TMEM181: variants seen among roughly 807,000 people sequenced by gnomAD.
The protein encoded by TMEM181 is G protein-coupled receptor 178.
A neutral mutation model predicts 71.9 loss-of-function variants in TMEM181; 39 were observed. The ratio of observed to expected loss-of-function variants is 0.54; its 90% CI spans 0.42 to 0.71. The LOEUF (loss-of-function observed/expected upper bound fraction) is 0.71, where lower values mean the gene tolerates loss of function less well. TMEM181 is among the 30% of genes least tolerant of loss of function. The probability of loss-of-function intolerance (pLI) is 0.00; values close to 1 mark genes in which losing one functional copy is unlikely to be tolerated. For synonymous variants in TMEM181, 245 were observed against 228.8 expected (o/e 1.07, Z -0.64); for missense variants, 595 against 583.0 (o/e 1.02, Z -0.21).
chr6:158,614,393 T>G (rs1785493324), intron 10 of TMEM181, among the ~76,000 whole-genome samples: 1 of 152,258 alleles, frequency 6.6e-6, no homozygotes, highest in Admixed American at 6.5e-5. Flanking sequence ...AAATCCTCTT[T>G]AAGAGAGAAA....
intron 10 of TMEM181, among the ~76,000 whole-genome samples, chr6:158,613,523 G>A (rs1227192948): frequency 9.8e-6 from 1 of 102,180 alleles, no homozygotes; most frequent in Non-Finnish European, 1.9e-5. Flanking sequence ...ATAACTTGGG[G>A]TTCCTGGCCT....
chr6:158,601,800 A>G (rs1035162808), intron 6 of TMEM181, among the ~76,000 whole-genome samples: 12 of 151,868 alleles, frequency 7.9e-5, no homozygotes, highest in Non-Finnish European at 4.4e-5. Context: ...TACAAAAATT[A>G]TGTGAAGTAG....
At chr6:158,590,683 T>C (rs555452922) in intron 6 of TMEM181, among the ~76,000 whole-genome samples, 11 of 151,846 alleles carry the variant, frequency 7.2e-5, no homozygotes, top group Middle Eastern at 6.9e-3. Flanking sequence ...AGGATGGTCT[T>C]GATCTCCTGA....
rs184413954 is a variant in TMEM181 at position 158,633,895 on chromosome 6, A to T, written c.*2007A>T. ...TATAACTTTATGTAAACTGATGAAG[A>T]TGTGCTGATTAACATATTCTGTGAT... On this transcript the variant is annotated 3_prime_UTR_variant, in exon 17 of 17. Transcript: ENST00000684151. 27 of 152,306 alleles carry T rather than the reference A, an allele frequency of 1.8e-4. No homozygotes were observed. The highest frequency in any genetic ancestry group is 1.7e-3 in the Admixed American group (26 of 15,300). 9.4% of individuals were successfully genotyped at this position (152,306 alleles called of 1,614,324 possible). A position where few individuals can be genotyped will look rare whatever the true frequency, so the allele number is the denominator to read the frequency against.
intron 14 of TMEM181, 131 bp downstream of exon 14, chr6:158,628,621 T>C: frequency 1.3e-6 from 1 of 742,142 alleles, no homozygotes; most frequent in East Asian, 2.7e-5. Context: ...AGGCCTCGTC[T>C]CTGCTGAGAG....
At chr6:158,574,035 A>G (rs950848105) in intron 2 of TMEM181, among the ~76,000 whole-genome samples, 11 of 152,102 alleles carry the variant, frequency 7.2e-5, no homozygotes, top group African/African-American at 2.2e-4. Context: ...GGTTTTCACA[A>G]GGTTCCCAGA....
intron 7 of TMEM181, among the ~76,000 whole-genome samples, chr6:158,606,630 T>C (rs956894747): frequency 6.6e-6 from 1 of 152,256 alleles, no homozygotes; most frequent in African/African-American, 2.4e-5. Context: ...AATTATGTTA[T>C]ATAATGTTTT....
chr6:158,615,421 C>T (rs1374946992), intron 10 of TMEM181, among the ~76,000 whole-genome samples: 1 of 152,160 alleles, frequency 6.6e-6, no homozygotes, highest in African/African-American at 2.4e-5. Context: ...AAATTTTCTG[C>T]CATTCTGTAG....
intron 10 of TMEM181, among the ~76,000 whole-genome samples, chr6:158,615,346 T>C (rs540395335): frequency 8.5e-5 from 13 of 152,368 alleles, no homozygotes; most frequent in African/African-American, 2.6e-4. Flanking sequence ...TTTGATGCTT[T>C]CTTGTAAATT....
At chr6:158,609,233 A>AC (rs1454991007) in intron 10 of TMEM181, among the ~76,000 whole-genome samples, 3 of 152,008 alleles carry the variant, frequency 2.0e-5, no homozygotes, top group Non-Finnish European at 4.4e-5. Context: ...TTGTTCCCAG[A>AC]CCCCCATTAA....
intron 1 of TMEM181, among the ~76,000 whole-genome samples, chr6:158,562,446 T>TTTTGTG (rs113795294): frequency 7.1e-6 from 1 of 141,102 alleles, no homozygotes; most frequent in Non-Finnish European, 1.5e-5. Context: ...AAGGCTGTTT[T>TTTTGTG]TGTGTGTGTG....
intron 1 of TMEM181, among the ~76,000 whole-genome samples, chr6:158,565,346 T>C (rs1782428017): frequency 6.6e-6 from 1 of 152,126 alleles, no homozygotes; most frequent in Non-Finnish European, 1.5e-5. Context: ...GGTGCCGTGG[T>C]CCCGAGGTGC....
At chr6:158,548,960 G>A (rs1781631357) in intron 1 of TMEM181, among the ~76,000 whole-genome samples, 2 of 152,222 alleles carry the variant, frequency 1.3e-5, no homozygotes, top group African/African-American at 2.4e-5. Context: ...GTGAGTGATG[G>A]CCTTGCTGTG....
intron 1 of TMEM181, among the ~76,000 whole-genome samples, chr6:158,550,340 C>T (rs1243354974): frequency 1.4e-4 from 21 of 151,668 alleles, no homozygotes; most frequent in African/African-American, 1.2e-4. Flanking sequence ...CCACCACGCC[C>T]GGCCGAGACT....
chr6:158,563,543 G>A (rs187316494), intron 1 of TMEM181, among the ~76,000 whole-genome samples: 2 of 152,336 alleles, frequency 1.3e-5, no homozygotes, highest in East Asian at 3.9e-4. Flanking sequence ...TAACCACCAG[G>A]CTGCACTGCC....
At chr6:158,625,674 A>G in intron 12 of TMEM181, 29 bp from the exon 13 acceptor site, 2 of 1,577,592 alleles carry the variant, frequency 1.3e-6, no homozygotes, top group Non-Finnish European at 1.7e-6. Flanking sequence ...TTACTTCCAG[A>G]GTTGTTAATG....
At chr6:158,558,213 A>G (rs966189379), upstream of TMEM181, among the ~76,000 whole-genome samples, 4 of 152,214 alleles carry the variant, frequency 2.6e-5, no homozygotes, top group Non-Finnish European at 5.9e-5. Flanking sequence ...GGCAGCTGGC[A>G]CAGAGCAGGG....
rs529287135 is a variant in TMEM181 at position 158,585,287 on chromosome 6, A to G, written c.260-17A>G. On this transcript the variant is annotated splice_polypyrimidine_tract_variant and intron_variant, in intron 4 of 16. Transcript: ENST00000684151. ...TGCCTGGCATGGTCTCTAACACTGA[A>G]TTTTTTTCTTTTGTAGAAACTTCTA... 22 of 1,589,140 alleles carry G rather than the reference A, an allele frequency of 1.4e-5. No individual in the cohort carries two copies. In the Admixed American group the frequency reaches 4.0e-4, roughly 29 times the overall value.
intron 13 of TMEM181, chr6:158,626,765 C>A (rs1786298745): frequency 6.6e-6 from 3 of 457,026 alleles, no homozygotes; most frequent in South Asian, 4.6e-5. Context: ...CACAACCTCA[C>A]ATAGAGGCTC....
Sources: gnomAD v4.1 joint callset for allele counts (sites outside exome capture counted in the v4.1 genomes callset) on GRCh38, gnomAD v4.1.1 for gene constraint, MANE v1.5 for transcripts, NCBI Gene and HGNC (gene_info 2026-07-23, HGNC 2026-07-21) for gene names.